The following LIMCH1 variants were observed in gnomAD, a reference collection of about 807,000 sequenced individuals.
The protein encoded by LIMCH1 is LIM and calponin homology domains-containing protein 1.
Under a neutral mutation model 176.5 loss-of-function variants are expected in LIMCH1, and 113 were observed. The observed-to-expected ratio is 0.64, with a 90% CI of 0.55 to 0.75. LIMCH1 has a LOEUF of 0.75. Ranked by LOEUF, LIMCH1 falls within the 30% of genes least tolerant of loss-of-function variation. The probability of loss-of-function intolerance (pLI) is 0.00; values close to 1 mark genes in which losing one functional copy is unlikely to be tolerated. For missense variants in LIMCH1, 1,674 were observed against 1,814.9 expected (o/e 0.92, Z 1.41); for synonymous variants, 619 against 645.9 (o/e 0.96, Z 0.63).
intron 1 of LIMCH1, among the ~76,000 whole-genome samples, chr4:41,365,850 C>T (rs2154093065): frequency 6.6e-6 from 1 of 152,364 alleles, no homozygotes; most frequent in East Asian, 1.9e-4. Context: ...GCTGGCACTT[C>T]TTGCCCCGGC....
intron 1 of LIMCH1, among the ~76,000 whole-genome samples, chr4:41,465,293 A>C (rs1431171028): frequency 6.6e-6 from 1 of 152,004 alleles, no homozygotes; most frequent in Non-Finnish European, 1.5e-5. Flanking sequence ...CTGCCCCCGC[A>C]TTTGTTCCTG....
At chr4:41,631,087 TA>T in intron 9 of LIMCH1, 60 bp from the exon 10 acceptor site, 1 of 1,304,638 alleles carries the variant, frequency 7.7e-7, no homozygotes, top group Non-Finnish European at 1.0e-6. Context: ...GTTTTTTTTT[TA>T]AAAACCTCTT....
At chr4:41,651,449 T>C (rs946801776) in intron 18 of LIMCH1, among the ~76,000 whole-genome samples, 3 of 152,212 alleles carry the variant, frequency 2.0e-5, no homozygotes, top group African/African-American at 7.2e-5. Flanking sequence ...ACTTCAATAA[T>C]ATGAATTTTG....
intron 1 of LIMCH1, among the ~76,000 whole-genome samples, chr4:41,433,939 TG>T (rs2061827225): frequency 6.6e-6 from 1 of 152,094 alleles, no homozygotes; most frequent in African/African-American, 2.4e-5. Context: ...TCTTAGCTGG[TG>T]GGAACACCAA....
intron 2 of LIMCH1, among the ~76,000 whole-genome samples, chr4:41,603,270 T>G (rs2090232437): frequency 6.7e-6 from 1 of 148,192 alleles, no homozygotes; most frequent in African/African-American, 2.7e-5. Flanking sequence ...TCGAAGTAGC[T>G]TTTTTGTTTA....
At chr4:41,437,371 A>G (rs1207031188) in intron 1 of LIMCH1, among the ~76,000 whole-genome samples, 1 of 152,260 alleles carries the variant, frequency 6.6e-6, no homozygotes, top group South Asian at 2.1e-4. Context: ...TCCTGTTTTT[A>G]GCCAGCAGTC....
intron 26 of LIMCH1, 125 bp downstream of exon 26, chr4:41,682,585 C>T: frequency 1.2e-6 from 1 of 807,262 alleles, no homozygotes; most frequent in Middle Eastern, 2.6e-4. Flanking sequence ...TCCAGTAATA[C>T]ATTACATATT....
intron 1 of LIMCH1, chr4:41,453,456 A>G (rs2064144362): frequency 6.6e-6 from 1 of 152,264 alleles, no homozygotes; most frequent in South Asian, 2.1e-4. Flanking sequence ...TAAGCTAAAG[A>G]AAAGAAAATG....
At chr4:41,467,261 TA>T (rs1167831845) in intron 1 of LIMCH1, among the ~76,000 whole-genome samples, 1 of 152,126 alleles carries the variant, frequency 6.6e-6, no homozygotes, top group Non-Finnish European at 1.5e-5. Context: ...ATCTTTTGGC[TA>T]TTGTGAATAA....
chr4:41,613,499 A>G lies in LIMCH1; in HGVS notation c.43A>G (p.Ile15Val). 1.2e-6 allele frequency: 2 copies of G among 1,614,128 alleles called. No homozygotes were observed. The highest frequency in any genetic ancestry group is 1.7e-6 in the Non-Finnish European group (2 of 1,180,006). Reference protein sequence around the residue: ...TDDIESPKRSIRDSGYIDCWD... With the variant: ...TDDIESPKRSVRDSGYIDCWD... ...TGACATTGAAAGTCCTAAACGCAGT[A>G]TCCGAGACAGTGGCTACATCGACTG... The change falls in exon 5 of 32, where the codon ATC (isoleucine) becomes GTC (valine). Residue 15 changes from isoleucine (I) to valine (V), a missense_variant. Coordinates refer to ENST00000503057, the MANE Select transcript of LIMCH1 (RefSeq NM_001330672.2).
intron 1 of LIMCH1, among the ~76,000 whole-genome samples, chr4:41,481,176 C>T (rs369423662): frequency 5.3e-5 from 8 of 152,292 alleles, no homozygotes; most frequent in African/African-American, 1.7e-4. Context: ...GAATTATGGT[C>T]GGATAATGTT....
intron 14 of LIMCH1, among the ~76,000 whole-genome samples, chr4:41,643,623 A>G (rs1465361845): frequency 2.0e-5 from 3 of 152,196 alleles, no homozygotes; most frequent in Non-Finnish European, 4.4e-5. Flanking sequence ...AAACATATAA[A>G]TTATATGTAT....
At chr4:41,404,929 T>C (rs1194014108) in intron 1 of LIMCH1, among the ~76,000 whole-genome samples, 2 of 152,194 alleles carry the variant, frequency 1.3e-5, no homozygotes, top group Non-Finnish European at 2.9e-5. Context: ...ACATATCAAG[T>C]ACATGATGTG....
chr4:41,551,146 G>T (rs2080355112), intron 1 of LIMCH1: 2 of 152,168 alleles, frequency 1.3e-5, no homozygotes, highest in Admixed American at 6.5e-5. Flanking sequence ...CATTCAAGAT[G>T]AGAAGTAAGT....
chr4:41,652,608 TA>T (rs2094341338), intron 18 of LIMCH1, among the ~76,000 whole-genome samples: 3 of 152,322 alleles, frequency 2.0e-5, no homozygotes, highest in Admixed American at 2.0e-4. Flanking sequence ...TAATTAGACA[TA>T]GGGGTGGCAT....
intron 1 of LIMCH1, among the ~76,000 whole-genome samples, chr4:41,366,701 G>C (rs531196305): frequency 6.6e-6 from 1 of 152,372 alleles, no homozygotes; most frequent in East Asian, 1.9e-4. Context: ...AAAGACTTCT[G>C]TCTGGACATA....
intron 1 of LIMCH1, among the ~76,000 whole-genome samples, chr4:41,465,954 CTTTTTTTT>C (rs34784602): frequency 1.8e-5 from 2 of 108,288 alleles, no homozygotes; most frequent in Non-Finnish European, 3.6e-5. Context: ...CTGTTTGGCT[CTTTTTTTT>C]TTTTTTTTTT....
intron 1 of LIMCH1, among the ~76,000 whole-genome samples, chr4:41,402,726 A>C (rs1299994592): frequency 3.4e-5 from 5 of 149,132 alleles, no homozygotes; most frequent in Non-Finnish European, 5.9e-5. Context: ...TATCGCAAGG[A>C]CAAAAAACCA....
intron 23 of LIMCH1, among the ~76,000 whole-genome samples, chr4:41,679,010 A>G (rs1241597921): frequency 1.3e-5 from 2 of 152,216 alleles, no homozygotes; most frequent in Non-Finnish European, 2.9e-5. Context: ...GTTAGAGTTA[A>G]TAAGAACACC....
Sources: gnomAD v4.1 joint callset for allele counts (sites outside exome capture counted in the v4.1 genomes callset) on GRCh38, gnomAD v4.1.1 for gene constraint, MANE v1.5 for transcripts, NCBI Gene and HGNC (gene_info 2026-07-23, HGNC 2026-07-21) for gene names.